The following TUSC3 variants were observed in gnomAD, a reference collection of about 807,000 sequenced individuals.
TUSC3 encodes the protein dolichyl-diphosphooligosaccharide--protein glycosyltransferase subunit TUSC3.
Under a neutral mutation model 44.8 loss-of-function variants are expected in TUSC3, and 45 were observed. That is an observed-to-expected ratio of 1.00 (90% CI 0.79 to 1.29). The LOEUF is 1.29. Among genes scored for constraint, TUSC3 ranks in the 50% most tolerant of loss-of-function variants. The pLI, the probability that TUSC3 is intolerant of heterozygous loss-of-function variation, is 0.00. For synonymous variants in TUSC3, 212 were observed against 152.9 expected, an observed-to-expected ratio of 1.39 and a Z score of -2.85; for missense variants, 519 against 437.9, an observed-to-expected ratio of 1.19 and a Z score of -1.65.
At chr8:15,710,893 A>G (rs1163329249) in intron 6 of TUSC3, among the ~76,000 whole-genome samples, 2 of 148,718 alleles carry the variant, frequency 1.3e-5, no homozygotes, top group Admixed American at 6.8e-5. Context: ...TAAAATATAT[A>G]TATATAAAAC....
At chr8:15,692,136 G>A (rs1055930259) in intron 6 of TUSC3, among the ~76,000 whole-genome samples, 1 of 152,114 alleles carries the variant, frequency 6.6e-6, no homozygotes, top group African/African-American at 2.4e-5. Context: ...ATTGATCTGT[G>A]TATGTTGAAC....
intron 6 of TUSC3, among the ~76,000 whole-genome samples, chr8:15,722,124 G>C (rs1810325487): frequency 6.6e-6 from 1 of 151,946 alleles, no homozygotes; most frequent in Non-Finnish European, 1.5e-5. Context: ...CTAGGATCCT[G>C]GGAGTTTTCC....
At chr8:15,775,216 A>G in the TUSC3 span, among the ~76,000 whole-genome samples, 1 of 152,208 alleles carries the variant, frequency 6.6e-6, no homozygotes, top group African/African-American at 2.4e-5. Context: ...GAAAAGCCAC[A>G]TAGTATATCA....
chr8:15,526,321 C>G (rs974599038), intron 2 of TUSC3, among the ~76,000 whole-genome samples: 1 of 152,110 alleles, frequency 6.6e-6, no homozygotes, highest in African/African-American at 2.4e-5. Context: ...CGTGAGCCAC[C>G]GCGCCTGGCT....
intron 1 of TUSC3, among the ~76,000 whole-genome samples, chr8:15,594,515 T>A (rs940694467): frequency 7.2e-5 from 11 of 152,188 alleles, no homozygotes; most frequent in Non-Finnish European, 1.5e-4. Flanking sequence ...ATCATTGAGG[T>A]TTGTTCTGGC....
the TUSC3 span, among the ~76,000 whole-genome samples, chr8:15,796,781 T>G: frequency 1.3e-5 from 2 of 152,252 alleles, no homozygotes; most frequent in African/African-American, 2.4e-5. Context: ...CCAGCCTGGA[T>G]GCATTCATAA....
intron 1 of TUSC3, among the ~76,000 whole-genome samples, chr8:15,574,817 AG>A (rs1803028319): frequency 6.6e-6 from 1 of 152,196 alleles, no homozygotes; most frequent in Admixed American, 6.5e-5. Context: ...GTTTTTATCC[AG>A]GTGTAAATCA....
intron 2 of TUSC3, among the ~76,000 whole-genome samples, chr8:15,484,921 C>G (rs1585061844): frequency 6.6e-6 from 1 of 152,110 alleles, no homozygotes; most frequent in Admixed American, 6.6e-5. Flanking sequence ...AAAACTATTT[C>G]TTTGTAAAAA....
At chr8:15,441,547 C>T (rs1800020425) in intron 1 of TUSC3, among the ~76,000 whole-genome samples, 1 of 152,154 alleles carries the variant, frequency 6.6e-6, no homozygotes. Context: ...AAAATATGCT[C>T]ATAGACATGG....
chr8:15,821,695 C>G, the TUSC3 span, among the ~76,000 whole-genome samples: 858 of 152,130 alleles, frequency 5.6e-3, 8 homozygotes, highest in African/African-American at 0.02. Context: ...GGTTCCTTCT[C>G]TAAGTTTTGA....
At chr8:15,740,472 T>A (rs1416073898) in intron 7 of TUSC3, among the ~76,000 whole-genome samples, 1 of 150,622 alleles carries the variant, frequency 6.6e-6, no homozygotes, top group African/African-American at 2.4e-5. Flanking sequence ...AAAAATGTTG[T>A]CCTCCAAGTT....
chr8:15,699,615 C>A (rs1353773928), intron 6 of TUSC3, among the ~76,000 whole-genome samples: 4 of 152,140 alleles, frequency 2.6e-5, no homozygotes, highest in Non-Finnish European at 5.9e-5. Flanking sequence ...TTCAAATGAA[C>A]TTTATATCCT....
At chr8:15,533,231 T>TA (rs1347282655) in intron 2 of TUSC3, among the ~76,000 whole-genome samples, 25 of 152,354 alleles carry the variant, frequency 1.6e-4, no homozygotes, top group Non-Finnish European at 8.8e-5. Context: ...GTAAGTCCAT[T>TA]AAACCTCTTT....
At chr8:15,762,954 A>C (rs936235882) in intron 10 of TUSC3, among the ~76,000 whole-genome samples, 1 of 152,036 alleles carries the variant, frequency 6.6e-6, no homozygotes, top group Admixed American at 6.6e-5. Context: ...GTTACTTATT[A>C]TCTTGAAAGT....
chr8:15,734,145 T>A (rs1044794924), intron 7 of TUSC3, among the ~76,000 whole-genome samples: 1 of 152,264 alleles, frequency 6.6e-6, no homozygotes, highest in African/African-American at 2.4e-5. Context: ...TTGTGTATTT[T>A]GTTTTCTTCT....
intron 9 of TUSC3, chr8:15,748,810 A>G: frequency 2.0e-6 from 1 of 496,874 alleles, no homozygotes; most frequent in South Asian, 1.5e-5. Context: ...CATATAATTC[A>G]CTGTTCATTG....
the TUSC3 span, among the ~76,000 whole-genome samples, chr8:15,797,875 T>A: frequency 6.6e-6 from 1 of 152,204 alleles, no homozygotes; most frequent in African/African-American, 2.4e-5. Flanking sequence ...GAATTCAAGT[T>A]GATGACTCCT....
At chr8:15,618,087 A>G (rs1255315380) in intron 1 of TUSC3, among the ~76,000 whole-genome samples, 1 of 152,166 alleles carries the variant, frequency 6.6e-6, no homozygotes, top group East Asian at 1.9e-4. Context: ...AAAATGGTCC[A>G]CCTGTCTAGG....
At chr8:15,851,092 G>C in the TUSC3 span, among the ~76,000 whole-genome samples, 2 of 152,168 alleles carry the variant, frequency 1.3e-5, no homozygotes, top group South Asian at 4.1e-4. Context: ...CTTTTCGGAA[G>C]GTAACACCTT....
Sources: gnomAD v4.1 joint callset for allele counts (sites outside exome capture counted in the v4.1 genomes callset) on GRCh38, gnomAD v4.1.1 for gene constraint, MANE v1.5 for transcripts, NCBI Gene and HGNC (gene_info 2026-07-23, HGNC 2026-07-21) for gene names.